Variants in KCND3 observed in about 807,000 individuals in gnomAD.
The protein encoded by KCND3 is A-type voltage-gated potassium channel KCND3.
KCND3 carries 9 observed loss-of-function variants against 51.1 expected under a neutral mutation model. The observed-to-expected ratio is 0.18, with a 90% CI of 0.11 to 0.31. The LOEUF (loss-of-function observed/expected upper bound fraction) is 0.31. Ranked by LOEUF, KCND3 falls within the 10% of genes least tolerant of loss-of-function variation. The pLI, the probability that KCND3 is intolerant of heterozygous loss-of-function variation, is 1.00. For synonymous variants in KCND3, 349 were observed against 368.0 expected, an observed-to-expected ratio of 0.95 and a Z score of 0.59; for missense variants, 526 against 903.8, an observed-to-expected ratio of 0.58 and a Z score of 5.36.
rs187130643 is a variant in KCND3, at chr1:111,825,234, G to A, written c.1107-38128C>T. 5.9e-5 allele frequency among the ~76,000 whole-genome samples: 9 copies of A among 152,284 alleles called. No individual in the cohort carries two copies. The East Asian group carries it at 7.7e-4, about 13-fold the overall frequency. ...GTGGTGGACTAGGCTGGTGATCACC[G>A]ATATCAGTGATGTCTATGACACTGT... On this transcript the variant is annotated intron_variant, in intron 2 of 7. Transcript: ENST00000302127.
rs959343698 is a variant in KCND3, at chr1:111,982,832, A to G, written c.-72-34T>C. The G allele has an allele frequency of 2.7e-6, 4 of 1,458,624 alleles. No homozygotes were observed. Among genetic ancestry groups the G allele is most frequent in the Non-Finnish European group, 3.7e-6 (4 of 1,079,382 alleles). The allele number at this position is 1,458,624 out of a possible 1,614,324, so 90.4% of individuals were successfully genotyped here. A position where few individuals can be genotyped will look rare whatever the true frequency, so the allele number is the denominator to read the frequency against. ...CAGGAGGGGAGAGAGAGAAGCGGTGAGTCCATATCGACTGGCAGGTAAGAA... is the reference window on the plus strand; with the variant it reads ...CAGGAGGGGAGAGAGAGAAGCGGTGGGTCCATATCGACTGGCAGGTAAGAA... On this transcript the variant is annotated intron_variant, in intron 1 of 7. Transcript: ENST00000302127. The surrounding 1 kb of genome is among the most constrained non-coding windows in gnomAD (Gnocchi z 8.5).
At chr1:111,824,275 G>T (rs1463165305) in intron 2 of KCND3, among the ~76,000 whole-genome samples, 2 of 152,230 alleles carry the variant, frequency 1.3e-5, no homozygotes, top group Non-Finnish European at 1.5e-5. Context: ...GAAGCAGGGA[G>T]ACCAGGCTTG....
Position 111,982,363 on chromosome 1 carries a change from C to T in KCND3, c.364G>A (p.Gly122Ser). Residue 122 changes from glycine (G) to serine (S), a missense_variant, in exon 2 of 8, where the codon GGC becomes AGC. Physicochemically the swap from Gly to Ser is moderately conservative, Grantham distance 56 (BLOSUM62 0). This residue lies in a region of KCND3 where 159 missense variants were observed against 262.8 expected (regional missense o/e 0.61). Transcript: ENST00000302127. The surrounding 1 kb of genome is among the most constrained non-coding windows in gnomAD (Gnocchi z 8.5). ...TCCCCGATGATCTCCGGGAGGATGC[C>T]GTAGAAGGCCAGCTCGTCGTCGTAG... ...SAYDDELAFY[G>S]ILPEIIGDCC... The T allele has an allele frequency of 6.2e-7, 1 of 1,614,142 alleles. No individual in the cohort carries two copies. Among genetic ancestry groups the T allele is most frequent in the South Asian group, 1.1e-5 (1 of 91,074 alleles).
chr1:111,943,542 A>AT (rs1672631840), intron 2 of KCND3, among the ~76,000 whole-genome samples: 1 of 152,144 alleles, frequency 6.6e-6, no homozygotes, highest in South Asian at 2.1e-4. Context: ...TAAGGCTAGA[A>AT]CCTAAGTCTC....
At chr1:111,973,169 C>G (rs1674439351) in intron 2 of KCND3, among the ~76,000 whole-genome samples, 2 of 152,206 alleles carry the variant, frequency 1.3e-5, no homozygotes. Flanking sequence ...CATTTACAGT[C>G]TTTCAATAAC....
At chr1:111,896,344 A>C (rs1022440996) in intron 2 of KCND3, among the ~76,000 whole-genome samples, 2 of 152,186 alleles carry the variant, frequency 1.3e-5, no homozygotes, top group African/African-American at 4.8e-5. Flanking sequence ...AGAAGATCTC[A>C]GCTCGCTGTC....
intron 7 of KCND3, among the ~76,000 whole-genome samples, chr1:111,776,615 G>T (rs187985447): frequency 4.6e-5 from 7 of 152,202 alleles, no homozygotes; most frequent in South Asian, 2.1e-4. Context: ...ATAAGCAGAG[G>T]GGGAGGGAAA....
At chr1:111,836,189 A>G (rs926170114) in intron 2 of KCND3, among the ~76,000 whole-genome samples, 1 of 152,232 alleles carries the variant, frequency 6.6e-6, no homozygotes, top group Non-Finnish European at 1.5e-5. Flanking sequence ...TGACAAGTCA[A>G]CATGAATCCT....
intron 2 of KCND3, among the ~76,000 whole-genome samples, chr1:111,979,182 C>G (rs1188240460): frequency 6.6e-6 from 1 of 152,202 alleles, no homozygotes; most frequent in South Asian, 2.1e-4. Flanking sequence ...CTCCCTAGTG[C>G]AGGCACCTTT....
intron 2 of KCND3, among the ~76,000 whole-genome samples, chr1:111,809,426 A>C (rs1200812341): frequency 6.6e-6 from 1 of 151,340 alleles, no homozygotes; most frequent in Non-Finnish European, 1.5e-5. Context: ...CTCCTGCCTC[A>C]GCCTTCCGAG....
intron 2 of KCND3, among the ~76,000 whole-genome samples, chr1:111,806,769 C>T (rs574260821): frequency 6.6e-6 from 1 of 152,200 alleles, no homozygotes; most frequent in Non-Finnish European, 1.5e-5. Flanking sequence ...CAACCCCACC[C>T]TTGCCTTTAA....
intron 2 of KCND3, among the ~76,000 whole-genome samples, chr1:111,962,370 A>G (rs997060): frequency 0.59 from 89,646 of 151,996 alleles, 26,604 homozygotes; most frequent in Middle Eastern, 0.66. Flanking sequence ...TGAGACTGCA[A>G]TCATGATCTT....
At chr1:111,803,886 G>A (rs139023697) in intron 2 of KCND3, among the ~76,000 whole-genome samples, 2 of 152,260 alleles carry the variant, frequency 1.3e-5, no homozygotes, top group Non-Finnish European at 2.9e-5. Flanking sequence ...CTCATTTTGC[G>A]CATGTGACAA....
At position 111,961,582 on chromosome 1, in the gene KCND3, C is replaced by T. The variant is rs987441313; in HGVS notation, c.1106+20039G>A. 7.9e-5 allele frequency among the ~76,000 whole-genome samples: 12 copies of T among 152,200 alleles called. 1 individual carries two copies. The East Asian group carries it at 1.9e-3, about 25-fold the overall frequency. On this transcript the variant is annotated intron_variant, in intron 2 of 7. Coordinates refer to ENST00000302127, the MANE Select transcript of KCND3 (RefSeq NM_001378969.1). ...CCCTCCTTGCCTCCCTTCCCATCTA[C>T]TGTCTGAATACCTCCTCTTCCCTTT...
intron 2 of KCND3, among the ~76,000 whole-genome samples, chr1:111,977,909 G>A (rs1674728592): frequency 6.6e-6 from 1 of 152,114 alleles, no homozygotes; most frequent in Non-Finnish European, 1.5e-5. Context: ...AGATAATTGA[G>A]GATTTATTTT....
At chr1:111,901,299 C>A (rs1176125958) in intron 2 of KCND3, among the ~76,000 whole-genome samples, 2 of 152,130 alleles carry the variant, frequency 1.3e-5, no homozygotes, top group African/African-American at 4.8e-5. Context: ...TCTTATGTGC[C>A]CAGAATTGGT....
chr1:111,830,674 A>T (rs150998530), intron 2 of KCND3, among the ~76,000 whole-genome samples: 1 of 152,268 alleles, frequency 6.6e-6, no homozygotes, highest in African/African-American at 2.4e-5. Context: ...GCAGATGCAG[A>T]TGTGAGAATC....
chr1:111,868,167 C>G (rs1461281591), intron 2 of KCND3, among the ~76,000 whole-genome samples: 39 of 152,176 alleles, frequency 2.6e-4, no homozygotes. Flanking sequence ...CAGAAATAGA[C>G]AATTCATAAG....
chr1:111,887,564 G>A (rs563078935), intron 2 of KCND3, among the ~76,000 whole-genome samples: 4 of 152,250 alleles, frequency 2.6e-5, no homozygotes, highest in South Asian at 2.1e-4. Context: ...AATGACCCCC[G>A]GTCACTGCCT....
Sources: gnomAD v4.1 joint callset for allele counts (sites outside exome capture counted in the v4.1 genomes callset) on GRCh38, gnomAD v4.1.1 for gene constraint, gnomAD v4.1.1 regional missense constraint, Gnocchi (gnomAD v3.1) non-coding constraint, MANE v1.5 for transcripts, NCBI Gene and HGNC (gene_info 2026-07-23, HGNC 2026-07-21) for gene names.